The following ZRANB3 variants were observed in gnomAD, a reference collection of about 807,000 sequenced individuals.
ZRANB3 encodes the protein DNA annealing helicase and endonuclease ZRANB3.
Under a neutral mutation model 133.8 loss-of-function variants are expected in ZRANB3, and 125 were observed. The observed-to-expected ratio is 0.93, with a 90% CI of 0.81 to 1.08. The LOEUF (loss-of-function observed/expected upper bound fraction) is 1.08, where lower values mean the gene tolerates loss of function less well. Ranked by LOEUF, ZRANB3 falls within the 50% of genes least tolerant of loss-of-function variation. ZRANB3 has a pLI of 0.00. For missense variants in ZRANB3, 1,229 were observed against 1,275.5 expected (o/e 0.96, Z 0.56); for synonymous variants, 387 against 432.7 (o/e 0.89, Z 1.31).
chr2:135,270,200 G>C lies in ZRANB3; in HGVS notation c.1207-1059C>G, dbSNP rs973187430. Among the ~76,000 whole-genome samples, 48 of 151,994 alleles carry C rather than the reference G, an allele frequency of 3.2e-4. 1 individual carries two copies. Among genetic ancestry groups the C allele is most frequent in the Non-Finnish European group, 7.4e-5 (5 of 67,980 alleles). On this transcript the variant is annotated intron_variant, in intron 10 of 20. Transcript: ENST00000264159. ...GGACTGAAAATGCCACAGAATATTA[G>C]AAATAATGCTGAAAAAATAAAAAGT...
intron 3 of ZRANB3, among the ~76,000 whole-genome samples, chr2:135,382,790 T>C (rs1686779032): frequency 6.6e-6 from 1 of 152,130 alleles, no homozygotes; most frequent in South Asian, 2.1e-4. Context: ...AAGCAAATGC[T>C]GAGAGATTTT....
At chr2:135,400,155 G>A (rs371500414) in intron 2 of ZRANB3, among the ~76,000 whole-genome samples, 1 of 151,988 alleles carries the variant, frequency 6.6e-6, no homozygotes, top group Non-Finnish European at 1.5e-5. Flanking sequence ...CAGAAGAATT[G>A]CTTGAATCTG....
chr2:135,309,196 T>C (rs1385983005), intron 8 of ZRANB3, among the ~76,000 whole-genome samples: 1 of 151,862 alleles, frequency 6.6e-6, no homozygotes, highest in Admixed American at 6.6e-5. Context: ...TTAGCCAGGA[T>C]GGTCTTGATC....
At chr2:135,423,008 C>A (rs185716665) in intron 2 of ZRANB3, among the ~76,000 whole-genome samples, 42 of 152,328 alleles carry the variant, frequency 2.8e-4, no homozygotes. Context: ...TGAAGACAAT[C>A]TGTTCCATGC....
At chr2:135,490,615 T>C (rs1259494929) in intron 2 of ZRANB3, among the ~76,000 whole-genome samples, 3 of 152,056 alleles carry the variant, frequency 2.0e-5, no homozygotes, top group Middle Eastern at 3.2e-3. Context: ...AAAATAGAAA[T>C]ACCAATGATC....
intron 8 of ZRANB3, among the ~76,000 whole-genome samples, chr2:135,311,740 A>C (rs1682987705): frequency 2.0e-5 from 3 of 152,056 alleles, no homozygotes; most frequent in Non-Finnish European, 4.4e-5. Context: ...ACAGAGCAAG[A>C]CTCTGTCTCT....
chr2:135,525,461 G>C (rs1418756217), intron 1 of ZRANB3, among the ~76,000 whole-genome samples: 1 of 152,122 alleles, frequency 6.6e-6, no homozygotes, highest in Non-Finnish European at 1.5e-5. Flanking sequence ...GGATAATCAG[G>C]GAAGCATACA....
At chr2:135,426,912 G>T (rs1317715282) in intron 2 of ZRANB3, among the ~76,000 whole-genome samples, 10 of 65,078 alleles carry the variant, frequency 1.5e-4, no homozygotes, top group South Asian at 6.1e-4. Flanking sequence ...ATATATATAT[G>T]TGCAAATCAA....
rs1679397288 is a variant in ZRANB3, at chr2:135,251,591, GA to G, written c.1539+13942del. Among the ~76,000 whole-genome samples the G allele has an allele frequency of 2.6e-5, 4 of 152,150 alleles. No homozygotes were observed. In the South Asian group the frequency reaches 8.3e-4, roughly 31 times the overall value. On this transcript the variant is annotated intron_variant, in intron 12 of 20. Transcript: ENST00000264159. ...TTTCCTGCGCTATTCTTGTGATAGT[GA>G]ATAAGTCTCATGAGACCCGATGGTT...
chr2:135,257,935 T>G (rs1679743080), intron 12 of ZRANB3, among the ~76,000 whole-genome samples: 1 of 152,134 alleles, frequency 6.6e-6, no homozygotes, highest in Non-Finnish European at 1.5e-5. Flanking sequence ...TATGTAACCT[T>G]TCTCAGATTT....
intron 8 of ZRANB3, among the ~76,000 whole-genome samples, chr2:135,288,468 C>T (rs1681506251): frequency 6.6e-6 from 1 of 151,978 alleles, no homozygotes; most frequent in Admixed American, 6.6e-5. Flanking sequence ...AGGGAGGATT[C>T]CCACTTTATC....
At position 135,306,860 on chromosome 2, in the gene ZRANB3, C is replaced by T. The variant is rs114162466; in HGVS notation, c.966+6629G>A. On this transcript the variant is annotated intron_variant, in intron 8 of 20. Transcript: ENST00000264159. ...CTGCCTCAGCCTCCAAAAGTGCTGG[C>T]GTTACAGGCATCAGCCACTGTACCC... 3.0e-3 allele frequency among the ~76,000 whole-genome samples: 454 copies of T among 151,902 alleles called. 2 individuals carry two copies. Among genetic ancestry groups the T allele is most frequent in the African/African-American group, 0.01 (429 of 41,420 alleles).
intron 2 of ZRANB3, among the ~76,000 whole-genome samples, chr2:135,415,444 C>G (rs1367772628): frequency 1.3e-5 from 2 of 152,126 alleles, no homozygotes; most frequent in African/African-American, 4.8e-5. Context: ...ATAACAAGAC[C>G]TGAAATTGTG....
At chr2:135,359,487 G>A (rs1685576675) in intron 3 of ZRANB3, among the ~76,000 whole-genome samples, 1 of 151,714 alleles carries the variant, frequency 6.6e-6, no homozygotes, top group Non-Finnish European at 1.5e-5. Context: ...GGAAGCTGAG[G>A]TGGGAGGACT....
At chr2:135,498,211 T>C (rs1378632178) in intron 2 of ZRANB3, among the ~76,000 whole-genome samples, 1 of 152,082 alleles carries the variant, frequency 6.6e-6, no homozygotes, top group Non-Finnish European at 1.5e-5. Flanking sequence ...ACACAGGAAA[T>C]CTCTTCATGA....
intron 12 of ZRANB3, among the ~76,000 whole-genome samples, chr2:135,242,471 T>A (rs1448135331): frequency 6.6e-6 from 1 of 150,886 alleles, no homozygotes; most frequent in Non-Finnish European, 1.5e-5. Flanking sequence ...TTTTTTTTTT[T>A]AAAGAGATGG....
rs547873325 is a variant in ZRANB3 at position 135,344,413 on chromosome 2, T to C, written c.677+1137A>G. Among the ~76,000 whole-genome samples, 3 of 152,264 alleles carry C rather than the reference T, an allele frequency of 2.0e-5. No individual in the cohort carries two copies. In the East Asian group the frequency reaches 5.8e-4, roughly 29 times the overall value. On this transcript the variant is annotated intron_variant, in intron 6 of 20. Transcript: ENST00000264159. ...ATAAGAGTAGACTGCATAAATAAATTCTAAACAGTAGAATAGATACAGCAT... is the reference window on the plus strand; with the variant it reads ...ATAAGAGTAGACTGCATAAATAAATCCTAAACAGTAGAATAGATACAGCAT...
chr2:135,303,000 AT>A (rs1478520380), intron 8 of ZRANB3, among the ~76,000 whole-genome samples: 1 of 152,230 alleles, frequency 6.6e-6, no homozygotes, highest in African/African-American at 2.4e-5. Flanking sequence ...AAAGAAAAAA[AT>A]TTAATTATAG....
chr2:135,291,281 C>T (rs1205908662), intron 8 of ZRANB3, among the ~76,000 whole-genome samples: 1 of 152,092 alleles, frequency 6.6e-6, no homozygotes, highest in East Asian at 1.9e-4. Context: ...CTTCTAGATT[C>T]AAGCGATTCT....
Sources: gnomAD v4.1 joint callset for allele counts (sites outside exome capture counted in the v4.1 genomes callset) on GRCh38, gnomAD v4.1.1 for gene constraint, MANE v1.5 for transcripts, NCBI Gene and HGNC (gene_info 2026-07-23, HGNC 2026-07-21) for gene names.